LRBA: variants seen among roughly 807,000 people sequenced by gnomAD.
The protein encoded by LRBA is lipopolysaccharide-responsive and beige-like anchor protein.
In LRBA, 176 loss-of-function variants were observed where a neutral mutation model predicts 330.0. The ratio of observed to expected loss-of-function variants is 0.53; its 90% CI spans 0.47 to 0.60. The LOEUF is 0.60. Ranked by LOEUF, LRBA falls within the 20% of genes least tolerant of loss-of-function variation. The pLI, the probability that LRBA is intolerant of heterozygous loss-of-function variation, is 0.00. For synonymous variants in LRBA, 1,230 were observed against 1,193.0 expected (o/e 1.03, Z -0.64); for missense variants, 3,259 against 3,444.8 (o/e 0.95, Z 1.35).
intron 2 of LRBA, among the ~76,000 whole-genome samples, chr4:151,000,077 G>A (rs1245683248): frequency 6.6e-6 from 1 of 152,132 alleles, no homozygotes; most frequent in Non-Finnish European, 1.5e-5. Context: ...AGAACAGTTA[G>A]AACAATACAC....
rs867875836 is a variant in LRBA, at chr4:150,893,164, G to A, written c.2068-15C>T. On this transcript the variant is annotated splice_polypyrimidine_tract_variant and intron_variant, in intron 16 of 56. Coordinates refer to ENST00000651943, the MANE Select transcript of LRBA (RefSeq NM_001364905.1). ...AGATTGTCATCCTATAATCATTTTA[G>A]AAATTTTTTTTAAAAAATGAGGAAA... The A allele has an allele frequency of 6.6e-7, 1 of 1,521,000 alleles. No homozygotes were observed. The highest frequency in any genetic ancestry group is 2.0e-5 in the Admixed American group (1 of 51,266). 94.2% of individuals were successfully genotyped at this position (1,521,000 alleles called of 1,614,324 possible). A position where few individuals can be genotyped will look rare whatever the true frequency, so the allele number is the denominator to read the frequency against.
chr4:150,503,052 A>G (rs1184361536), intron 40 of LRBA, among the ~76,000 whole-genome samples: 2 of 152,230 alleles, frequency 1.3e-5, no homozygotes, highest in African/African-American at 4.8e-5. Flanking sequence ...CAAAGCAGCC[A>G]GGAAGCTCGA....
chr4:150,806,278 T>G lies in LRBA; in HGVS notation c.5511A>C (p.Glu1837Asp), dbSNP rs987691019. Residue 1837 changes from glutamate to aspartate, a missense_variant, in exon 33 of 57, where the codon GAA becomes GAC. Physicochemically the swap from Glu to Asp is conservative, Grantham distance 45. Coordinates refer to ENST00000651943, the MANE Select transcript of LRBA (RefSeq NM_001364905.1). ...LGSHGQELLI[E>D]GTSLVCMKSS... is the part of the protein sequence containing the mutation. ...TAAAGAAAAACCACTTACTTGTTCC[T>G]TCTATAAGCAGTTCTTGTCCATGGC... is the stretch of plus-strand genomic sequence containing the variant. 1 of 1,571,764 alleles carries G rather than the reference T, an allele frequency of 6.4e-7. No individual in the cohort carries two copies. The highest frequency in any genetic ancestry group is 1.4e-5 in the African/African-American group (1 of 72,160).
chr4:150,357,895 C>T (rs1738103418), intron 47 of LRBA, among the ~76,000 whole-genome samples: 2 of 151,952 alleles, frequency 1.3e-5, no homozygotes, highest in Admixed American at 6.6e-5. Flanking sequence ...TCTATATATG[C>T]TGAGCCATGT....
At chr4:150,417,131 A>T (rs1747884186) in intron 46 of LRBA, among the ~76,000 whole-genome samples, 2 of 152,080 alleles carry the variant, frequency 1.3e-5, no homozygotes, top group African/African-American at 4.8e-5. Flanking sequence ...AGTGATTTTT[A>T]AAAAAGGAAA....
chr4:150,596,210 T>A (rs1025524763), intron 38 of LRBA, among the ~76,000 whole-genome samples: 6 of 151,810 alleles, frequency 4.0e-5, no homozygotes, highest in Admixed American at 1.3e-4. Flanking sequence ...AATTAAAAAA[T>A]TTGTTTTTAA....
intron 40 of LRBA, among the ~76,000 whole-genome samples, chr4:150,550,632 C>T (rs1345729186): frequency 6.6e-6 from 1 of 152,124 alleles, no homozygotes; most frequent in Non-Finnish European, 1.5e-5. Context: ...CTTATGCTTC[C>T]TTATGACTTC....
chr4:150,718,987 G>T (rs1044658552), intron 36 of LRBA, among the ~76,000 whole-genome samples: 1 of 151,930 alleles, frequency 6.6e-6, no homozygotes, highest in Non-Finnish European at 1.5e-5. Context: ...TAAAATGAGG[G>T]ATAATATCAG....
intron 47 of LRBA, among the ~76,000 whole-genome samples, chr4:150,382,922 T>C (rs1332265988): frequency 1.3e-5 from 2 of 152,186 alleles, no homozygotes; most frequent in Non-Finnish European, 2.9e-5. Context: ...AGAAATAAAT[T>C]GCAAAATTTT....
At chr4:150,858,285 A>T (rs559152648) in intron 22 of LRBA, among the ~76,000 whole-genome samples, 1 of 152,262 alleles carries the variant, frequency 6.6e-6, no homozygotes, top group South Asian at 2.1e-4. Flanking sequence ...TGAGCCAAGG[A>T]GTATGAAGCT....
rs55998463 is a variant in LRBA at position 150,491,194 on chromosome 4, T to C, written c.6331-159A>G. On this transcript the variant is annotated intron_variant, in intron 40 of 56. Transcript: ENST00000651943. Reference sequence around the variant, plus strand: ...ATAATTTGGAGATGAAGAAAATAAATTGTAATTTATAGAAAAGAAGCTTAA... The same window carrying C: ...ATAATTTGGAGATGAAGAAAATAAACTGTAATTTATAGAAAAGAAGCTTAA... Among the ~76,000 whole-genome samples, 32,574 of 151,860 alleles carry C rather than the reference T, an allele frequency of 0.21. 4,371 individuals are homozygous for C. Among genetic ancestry groups the C allele is most frequent in the Non-Finnish European group, 0.31 (20,695 of 67,788 alleles).
chr4:150,512,076 A>G (rs1267951760), intron 40 of LRBA, among the ~76,000 whole-genome samples: 3 of 152,270 alleles, frequency 2.0e-5, no homozygotes, highest in African/African-American at 7.2e-5. Flanking sequence ...ATACCCAATG[A>G]ATTAATGATG....
At chr4:150,988,867 G>A (rs1025472472) in intron 2 of LRBA, among the ~76,000 whole-genome samples, 18 of 151,872 alleles carry the variant, frequency 1.2e-4, no homozygotes, top group African/African-American at 2.7e-4. Flanking sequence ...GTGAACCACC[G>A]TGCCCAGCCA....
Position 150,471,684 on chromosome 4 carries a change from G to A in LRBA, c.6607C>T (p.Arg2203Ter), listed in dbSNP as rs1206185362. The change falls in exon 43 of 57, where the codon CGA becomes TGA. Residue 2203 changes from arginine (R) to a stop codon, truncating the protein, a stop_gained. Transcript: ENST00000651943. LOFTEE classifies it high-confidence loss of function. Reference sequence around the variant, plus strand: ...TTAGATATCTCTCTGTGTTGCCATCGCTGGGTCATATTAGAAGCCTTAAAA... The same window carrying A: ...TTAGATATCTCTCTGTGTTGCCATCACTGGGTCATATTAGAAGCCTTAAAA... ...QLFKASNMTQ[R>*]WQHREISNFE... The A allele has an allele frequency of 3.1e-6, 5 of 1,609,160 alleles. No individual in the cohort carries two copies. The highest frequency in any genetic ancestry group is 2.2e-5 in the South Asian group (2 of 90,126).
chr4:150,968,169 T>C (rs1739120333), intron 2 of LRBA, among the ~76,000 whole-genome samples: 1 of 152,096 alleles, frequency 6.6e-6, no homozygotes, highest in South Asian at 2.1e-4. Context: ...CATGTCTGGC[T>C]AATTTTTGTA....
At chr4:150,518,500 T>A (rs1762596382) in intron 40 of LRBA, among the ~76,000 whole-genome samples, 1 of 152,310 alleles carries the variant, frequency 6.6e-6, no homozygotes, top group East Asian at 1.9e-4. Flanking sequence ...AACTTATCTT[T>A]CTTTCCTTTC....
At chr4:150,979,352 T>C (rs1431935516) in intron 2 of LRBA, among the ~76,000 whole-genome samples, 1 of 152,128 alleles carries the variant, frequency 6.6e-6, no homozygotes, top group African/African-American at 2.4e-5. Context: ...AGCTGAGGTG[T>C]TTCATCACCA....
intron 4 of LRBA, among the ~76,000 whole-genome samples, chr4:150,927,267 G>C (rs1179559441): frequency 6.6e-6 from 1 of 151,680 alleles, no homozygotes; most frequent in Non-Finnish European, 1.5e-5. Flanking sequence ...CAGCTACTTG[G>C]GAGGCTGAGG....
chr4:150,797,305 T>C (rs1039024790), intron 34 of LRBA, among the ~76,000 whole-genome samples: 1 of 151,858 alleles, frequency 6.6e-6, no homozygotes, highest in African/African-American at 2.4e-5. Flanking sequence ...GGTTTTGAAA[T>C]GGGTCAAAAC....
Sources: gnomAD v4.1 joint callset for allele counts (sites outside exome capture counted in the v4.1 genomes callset) on GRCh38, gnomAD v4.1.1 for gene constraint, MANE v1.5 for transcripts, NCBI Gene and HGNC (gene_info 2026-07-23, HGNC 2026-07-21) for gene names.